DPP6: variants seen among roughly 807,000 people sequenced by gnomAD.
The protein encoded by DPP6 is dipeptidyl peptidase like 6.
Under a neutral mutation model 122.6 loss-of-function variants are expected in DPP6, and 69 were observed. The ratio of observed to expected loss-of-function variants is 0.56; its 90% CI spans 0.46 to 0.69. The LOEUF (loss-of-function observed/expected upper bound fraction) is 0.69, where lower values mean the gene tolerates loss of function less well. Among genes scored for constraint, DPP6 ranks in the 30% least tolerant of loss-of-function variants. DPP6 has a pLI of 0.00. For synonymous variants in DPP6, 418 were observed against 433.1 expected (o/e 0.97, Z 0.43); for missense variants, 928 against 1,116.9 (o/e 0.83, Z 2.41).
chr7:153,781,977 TACAC>T, the DPP6 span, among the ~76,000 whole-genome samples: 906 of 89,662 alleles, frequency 0.01, 138 homozygotes, highest in Non-Finnish European at 0.015. Flanking sequence ...CCCCAGAGAA[TACAC>T]ACACACACAC....
intron 1 of DPP6, among the ~76,000 whole-genome samples, chr7:154,284,880 CATT>C (rs1804753521): frequency 6.6e-6 from 1 of 151,980 alleles, no homozygotes; most frequent in African/African-American, 2.4e-5. Flanking sequence ...AAAACAAAAA[CATT>C]ATGCCAAATG....
chr7:154,761,818 G>A (rs1383890691), intron 8 of DPP6, among the ~76,000 whole-genome samples: 1 of 151,998 alleles, frequency 6.6e-6, no homozygotes, highest in Non-Finnish European at 1.5e-5. Flanking sequence ...ATTTACATTA[G>A]GTATATCTCC....
chr7:154,461,182 C>T (rs1347957899), intron 2 of DPP6, among the ~76,000 whole-genome samples: 1 of 152,164 alleles, frequency 6.6e-6, no homozygotes, highest in Non-Finnish European at 1.5e-5. Context: ...CATGTTGTTG[C>T]AAATGACAAA....
the DPP6 span, among the ~76,000 whole-genome samples, chr7:153,805,833 C>G: frequency 6.6e-6 from 1 of 151,574 alleles, no homozygotes; most frequent in South Asian, 2.1e-4. Context: ...AGGGGAACAT[C>G]ACACACTGGG....
At chr7:154,608,700 T>C (rs920226248) in intron 5 of DPP6, among the ~76,000 whole-genome samples, 2 of 152,036 alleles carry the variant, frequency 1.3e-5, no homozygotes, top group East Asian at 3.9e-4. Context: ...ATGTTATTGC[T>C]CTTGGGTCTT....
chr7:154,204,989 G>T (rs1436938016), intron 1 of DPP6, among the ~76,000 whole-genome samples: 1 of 152,080 alleles, frequency 6.6e-6, no homozygotes, highest in Non-Finnish European at 1.5e-5. Context: ...TTAGATCATA[G>T]CCTGCTCCAA....
chr7:153,848,575 A>G, the DPP6 span, among the ~76,000 whole-genome samples: 3 of 152,140 alleles, frequency 2.0e-5, no homozygotes, highest in Non-Finnish European at 4.4e-5. Context: ...CTGTCTTTTC[A>G]AGGGTTCAGC....
chr7:154,520,829 A>G (rs938788284), intron 3 of DPP6, among the ~76,000 whole-genome samples: 1 of 152,220 alleles, frequency 6.6e-6, no homozygotes, highest in African/African-American at 2.4e-5. Flanking sequence ...ACAGAGTCAC[A>G]AAAAGCTCGG....
chr7:154,314,504 C>T (rs557354806), intron 1 of DPP6, among the ~76,000 whole-genome samples: 16 of 152,264 alleles, frequency 1.1e-4, no homozygotes, highest in Non-Finnish European at 1.3e-4. Flanking sequence ...GTTTTAGTAA[C>T]GTAAACCCCT....
intron 17 of DPP6, among the ~76,000 whole-genome samples, chr7:154,857,689 C>T (rs1413491830): frequency 6.6e-6 from 1 of 152,228 alleles, no homozygotes; most frequent in Non-Finnish European, 1.5e-5. Context: ...CCAGTTCCAG[C>T]AGCATCTTGT....
intron 1 of DPP6, among the ~76,000 whole-genome samples, chr7:154,004,117 A>G (rs1419548334): frequency 6.6e-6 from 1 of 152,224 alleles, no homozygotes; most frequent in Admixed American, 6.5e-5. Flanking sequence ...TAGTAGAAGC[A>G]TGAGTGGATA....
At chr7:154,494,069 T>C (rs1021508273) in intron 3 of DPP6, among the ~76,000 whole-genome samples, 2 of 152,198 alleles carry the variant, frequency 1.3e-5, no homozygotes, top group African/African-American at 2.4e-5. Flanking sequence ...TTAAAAGATA[T>C]ATTGCCGGAT....
intron 1 of DPP6, among the ~76,000 whole-genome samples, chr7:154,443,759 T>G (rs1484405885): frequency 6.6e-6 from 1 of 152,210 alleles, no homozygotes; most frequent in Non-Finnish European, 1.5e-5. Context: ...GGTAGAAAAC[T>G]TATTCTTCTT....
intron 3 of DPP6, among the ~76,000 whole-genome samples, chr7:154,491,883 C>T (rs936308160): frequency 9.9e-5 from 15 of 152,064 alleles, no homozygotes; most frequent in African/African-American, 3.1e-4. Context: ...TCATGACTTC[C>T]CTTCCAGCGT....
chr7:153,973,263 T>A (rs1370945759), intron 1 of DPP6, among the ~76,000 whole-genome samples: 1 of 152,190 alleles, frequency 6.6e-6, no homozygotes, highest in African/African-American at 2.4e-5. Flanking sequence ...CTCTCTGAAA[T>A]AAACAGACAT....
rs551151595 is a variant in DPP6, at chr7:154,467,617, G to A, written c.359-7322G>A. The stretch of plus-strand genomic sequence containing the variant: ...TTTCATTATAAATTACCCAGTCTCA[G>A]GTAGTTCTTTACAGCAGTGTGAGAA... On this transcript the variant is annotated intron_variant, in intron 2 of 25. Transcript: ENST00000377770. Among the ~76,000 whole-genome samples the A allele has an allele frequency of 2.8e-4, 43 of 152,262 alleles. No homozygotes were observed. In the South Asian group the frequency reaches 6.4e-3, roughly 23 times the overall value.
chr7:154,549,724 G>A (rs768135668), intron 4 of DPP6, among the ~76,000 whole-genome samples: 5 of 152,170 alleles, frequency 3.3e-5, no homozygotes, highest in Non-Finnish European at 5.9e-5. Context: ...ATGTCCCTGA[G>A]TGGGGAGAAC....
chr7:154,687,291 G>A (rs763295467), intron 7 of DPP6, among the ~76,000 whole-genome samples: 10 of 152,194 alleles, frequency 6.6e-5, no homozygotes, highest in Non-Finnish European at 1.3e-4. Context: ...TTATACAAAT[G>A]TATCACAATG....
the DPP6 span, among the ~76,000 whole-genome samples, chr7:153,825,463 T>A: frequency 1.3e-5 from 2 of 152,194 alleles, no homozygotes; most frequent in Admixed American, 6.5e-5. Flanking sequence ...ACAGACATAT[T>A]ATATTTGATG....
Sources: allele counts gnomAD v4.1 joint callset (sites outside exome capture counted in the v4.1 genomes callset), GRCh38; gene constraint gnomAD v4.1.1; transcripts MANE v1.5; gene names NCBI Gene and HGNC (gene_info 2026-07-23, HGNC 2026-07-21).